The following MDGA2 variants were observed in gnomAD, a reference collection of about 807,000 sequenced individuals.
MDGA2 encodes the protein MAM domain containing glycosylphosphatidylinositol anchor 2, also known as MAM domain-containing glycosylphosphatidylinositol anchor protein 2.
In MDGA2, 40 loss-of-function variants were observed where a neutral mutation model predicts 117.8. That is an observed-to-expected ratio of 0.34 (90% CI 0.26 to 0.44). The LOEUF is 0.44. Ranked by LOEUF, MDGA2 falls within the 20% of genes least tolerant of loss-of-function variation. The probability of loss-of-function intolerance (pLI) is 1.00; values close to 1 mark genes in which losing one functional copy is unlikely to be tolerated. For synonymous variants in MDGA2, 452 were observed against 439.0 expected (o/e 1.03, Z -0.37); for missense variants, 1,123 against 1,250.6 (o/e 0.90, Z 1.54).
rs1180056182 is a variant in MDGA2 at position 47,672,477 on chromosome 14, A to G, written c.280+2040T>C. Among the ~76,000 whole-genome samples, 2 of 152,174 alleles carry G rather than the reference A, an allele frequency of 1.3e-5. 1 individual carries two copies. The highest frequency in any genetic ancestry group is 1.3e-4 in the Admixed American group (2 of 15,280). On this transcript the variant is annotated intron_variant, in intron 1 of 16. Transcript: ENST00000399232. Reference sequence around the variant, plus strand: ...TCCACTACCCAATCTGAGACTTGCCAGGGCAAATAATCTGAATAACAAAAA... The same window carrying G: ...TCCACTACCCAATCTGAGACTTGCCGGGGCAAATAATCTGAATAACAAAAA...
Position 47,055,567 on chromosome 14 carries a change from A to T in MDGA2, c.1525+5682T>A, listed in dbSNP as rs372112167. On this transcript the variant is annotated intron_variant, in intron 7 of 16. Transcript: ENST00000399232. ...ATTTTACCTCAATCTTATAAAATGT[A>T]TTAATGTTTGTATAGACAAGTAACG... Among the ~76,000 whole-genome samples, 161 of 152,284 alleles carry T rather than the reference A, an allele frequency of 1.1e-3. 2 individuals are homozygous for T. The highest frequency in any genetic ancestry group is 3.7e-3 in the African/African-American group (153 of 41,584).
chr14:47,210,325 T>C lies in MDGA2; in HGVS notation c.595+7696A>G, dbSNP rs910875440. Reference sequence around the variant, plus strand: ...AAAGATTTGTCTCATGTGTGAACAGTGTCTGTACACATAAAAACTTATTAA... The same window carrying C: ...AAAGATTTGTCTCATGTGTGAACAGCGTCTGTACACATAAAAACTTATTAA... On this transcript the variant is annotated intron_variant, in intron 3 of 16. Coordinates refer to ENST00000399232, the MANE Select transcript of MDGA2 (RefSeq NM_001113498.3). Among the ~76,000 whole-genome samples, 7 of 152,192 alleles carry C rather than the reference T, an allele frequency of 4.6e-5. No homozygotes were observed. The South Asian group carries it at 1.4e-3, about 31-fold the overall frequency.
chr14:47,585,054 A>G (rs1470723692), intron 1 of MDGA2, among the ~76,000 whole-genome samples: 1 of 151,920 alleles, frequency 6.6e-6, no homozygotes, highest in Non-Finnish European at 1.5e-5. Flanking sequence ...TGTAATGCCC[A>G]GACTCTAACA....
At chr14:46,866,857 A>T (rs1488674649) in intron 14 of MDGA2, among the ~76,000 whole-genome samples, 2 of 152,020 alleles carry the variant, frequency 1.3e-5, no homozygotes, top group Non-Finnish European at 2.9e-5. Flanking sequence ...ATCTCGCACC[A>T]GTTAGAATGG....
At chr14:46,865,333 T>C (rs1454101156) in intron 14 of MDGA2, among the ~76,000 whole-genome samples, 35 of 152,126 alleles carry the variant, frequency 2.3e-4, no homozygotes, top group Admixed American at 2.2e-3. Flanking sequence ...TTTGACAAAA[T>C]TCAACAACGC....
At chr14:47,347,201 T>A (rs1890780106) in intron 1 of MDGA2, among the ~76,000 whole-genome samples, 1 of 152,160 alleles carries the variant, frequency 6.6e-6, no homozygotes, top group Non-Finnish European at 1.5e-5. Context: ...GCAAGCGACA[T>A]GGCCAGATTT....
chr14:47,046,017 G>A (rs1408774828), intron 7 of MDGA2, among the ~76,000 whole-genome samples: 2 of 150,912 alleles, frequency 1.3e-5, no homozygotes, highest in Non-Finnish European at 3.0e-5. Flanking sequence ...GTGTGGGGAG[G>A]GGGGAGGGAT....
chr14:47,173,964 A>G (rs917579703), intron 3 of MDGA2, among the ~76,000 whole-genome samples: 1 of 152,218 alleles, frequency 6.6e-6, no homozygotes, highest in African/African-American at 2.4e-5. Flanking sequence ...TCTACCAAGC[A>G]AATGGAAAAC....
At chr14:46,961,634 T>C (rs1055879239) in intron 8 of MDGA2, among the ~76,000 whole-genome samples, 3 of 150,930 alleles carry the variant, frequency 2.0e-5, no homozygotes, top group African/African-American at 4.9e-5. Context: ...AATTGTTTTA[T>C]ACTGCCTGAT....
rs183526697 is a variant in MDGA2, at chr14:47,014,978, T to C, written c.1819+20033A>G. ...TTAGCTTTTGATTTAACAAGAGAGA[T>C]GTAAGACTCTTCCTTTCACTTGAAC... On this transcript the variant is annotated intron_variant, in intron 8 of 16. Transcript: ENST00000399232. Among the ~76,000 whole-genome samples the C allele has an allele frequency of 9.2e-5, 14 of 152,258 alleles. No homozygotes were observed. The East Asian group carries it at 2.7e-3, about 30-fold the overall frequency.
At chr14:47,565,539 G>A (rs538805657) in intron 1 of MDGA2, among the ~76,000 whole-genome samples, 10 of 152,324 alleles carry the variant, frequency 6.6e-5, no homozygotes, top group South Asian at 2.1e-4. Flanking sequence ...TTCCCAAACC[G>A]TTGGTCACAA....
At chr14:46,971,682 A>G (rs1484026003) in intron 8 of MDGA2, among the ~76,000 whole-genome samples, 1 of 152,070 alleles carries the variant, frequency 6.6e-6, no homozygotes, top group African/African-American at 2.4e-5. Context: ...AATGTATTAT[A>G]TAATAAAAAT....
intron 5 of MDGA2, among the ~76,000 whole-genome samples, chr14:47,114,345 T>G (rs1236518984): frequency 6.6e-6 from 1 of 152,222 alleles, no homozygotes; most frequent in South Asian, 2.1e-4. Flanking sequence ...ATGGTCATCC[T>G]GCCCAATATA....
chr14:47,365,720 A>C (rs1388316196), intron 1 of MDGA2, among the ~76,000 whole-genome samples: 3 of 152,218 alleles, frequency 2.0e-5, no homozygotes, highest in Non-Finnish European at 4.4e-5. Context: ...GGAAATCCAG[A>C]AGGAAGGACA....
chr14:47,393,020 C>T (rs1566766846), intron 1 of MDGA2, among the ~76,000 whole-genome samples: 1 of 151,524 alleles, frequency 6.6e-6, no homozygotes, highest in Non-Finnish European at 1.5e-5. Flanking sequence ...AAGTAATCTT[C>T]CAAAGTCTTA....
chr14:47,631,536 C>T (rs1001215961), intron 1 of MDGA2, among the ~76,000 whole-genome samples: 7 of 152,292 alleles, frequency 4.6e-5, no homozygotes, highest in East Asian at 1.9e-4. Flanking sequence ...TTATCCGTAA[C>T]GGATGACAAT....
chr14:47,016,149 T>C (rs986793120), intron 8 of MDGA2, among the ~76,000 whole-genome samples: 28 of 152,224 alleles, frequency 1.8e-4, no homozygotes, highest in African/African-American at 5.5e-4. Context: ...AGCTGTCCTG[T>C]GGATTCCATC....
rs565191076 is a variant in MDGA2 at position 47,485,029 on chromosome 14, G to T, written c.281-183479C>A. ...GGTGCCAGTAGAGTGGGGCGCTGCT[G>T]AAAAGACATCCAAAAATGTGAAAAT... On this transcript the variant is annotated intron_variant, in intron 1 of 16. Coordinates refer to ENST00000399232, the MANE Select transcript of MDGA2 (RefSeq NM_001113498.3). 5.3e-5 allele frequency among the ~76,000 whole-genome samples: 8 copies of T among 152,232 alleles called. No individual in the cohort carries two copies. In the South Asian group the frequency reaches 1.5e-3, roughly 28 times the overall value.
intron 2 of MDGA2, among the ~76,000 whole-genome samples, chr14:47,283,642 C>T (rs943169544): frequency 7.2e-5 from 11 of 152,252 alleles, no homozygotes; most frequent in Admixed American, 4.6e-4. Flanking sequence ...TTTTGATGCT[C>T]GGTGCTTGTC....
Sources: gnomAD v4.1 joint callset for allele counts (sites outside exome capture counted in the v4.1 genomes callset) on GRCh38, gnomAD v4.1.1 for gene constraint, MANE v1.5 for transcripts, NCBI Gene and HGNC (gene_info 2026-07-23, HGNC 2026-07-21) for gene names.